Variants in DDX11 observed in about 807,000 individuals in gnomAD.
The protein encoded by DDX11 is DEAD/H-box helicase 11, also known as ATP-dependent DNA helicase DDX11.
DDX11 carries 72 observed loss-of-function variants against 125.2 expected under a neutral mutation model. The observed-to-expected ratio is 0.58, with a 90% confidence interval of 0.48 to 0.70. The LOEUF is 0.70. DDX11 is among the 30% of genes least tolerant of loss of function. The pLI is 0.00. For synonymous variants in DDX11, 347 were observed against 452.6 expected (o/e 0.77, Z 2.96); for missense variants, 883 against 1,165.0 (o/e 0.76, Z 3.52).
At position 31,093,233 on chromosome 12, in the gene DDX11, G is replaced by C. The variant is rs749524514; in HGVS notation, c.1290-12G>C. 5.6e-6 allele frequency: 9 copies of C among 1,610,786 alleles called. No individual in the cohort carries two copies. Among genetic ancestry groups the C allele is most frequent in the African/African-American group, 1.3e-5 (1 of 74,726 alleles). ...GGGCACCACCACTTAATGTCCGTTG[G>C]CTTCTTCTCAGGAAGCGTTTGAAGG... is the stretch of plus-strand genomic sequence containing the variant. On this transcript the variant is annotated splice_polypyrimidine_tract_variant and intron_variant, in intron 11 of 26. Transcript: ENST00000542838.
In DDX11 at chr12:31,102,263, C is replaced by T. The variant is rs151210946; in HGVS notation, c.2223C>T (p.Ser741=). 69 of 1,613,980 alleles carry T rather than the reference C, an allele frequency of 4.3e-5. 2 individuals carry two copies. Among genetic ancestry groups the T allele is most frequent in the African/African-American group, 3.2e-4 (24 of 75,040 alleles). ...ARKKIFQEPK[S]AHQVEQVLLA... ...CTCAGATATTCCAGGAACCTAAGAG[C>T]GCACACCAGGTGGAGCAGGTGCTGC... Residue 741 remains serine, a synonymous_variant, in exon 22 of 27, where the codon AGC becomes AGT. Transcript: ENST00000542838.
intron 1 of DDX11, among the ~76,000 whole-genome samples, chr12:31,077,298 A>T (rs952391565): frequency 3.3e-5 from 5 of 152,000 alleles, no homozygotes; most frequent in African/African-American, 9.7e-5. Context: ...GGAGAGGAGA[A>T]AAAAAAAGAT....
At chr12:31,077,776 G>A (rs1440494624) in intron 1 of DDX11, among the ~76,000 whole-genome samples, 2 of 151,960 alleles carry the variant, frequency 1.3e-5, no homozygotes, top group African/African-American at 4.8e-5. Context: ...CCCGGGAGGC[G>A]GAGCGTGCAG....
chr12:31,092,241 T>A (rs1375997242), intron 10 of DDX11, among the ~76,000 whole-genome samples: 5 of 151,884 alleles, frequency 3.3e-5, no homozygotes, highest in Admixed American at 3.3e-4. Context: ...ATGCTCAAGA[T>A]CAGCGCAGGC....
At chr12:31,079,207 G>T (rs1177222074) in intron 2 of DDX11, among the ~76,000 whole-genome samples, 2 of 151,874 alleles carry the variant, frequency 1.3e-5, no homozygotes, top group African/African-American at 2.4e-5. Context: ...TTAATATTCT[G>T]TTTTTTCTAG....
At chr12:31,092,815 G>A in intron 10 of DDX11, 31 bp from the exon 11 acceptor site, 2 of 1,610,712 alleles carry the variant, frequency 1.2e-6, no homozygotes, top group Non-Finnish European at 1.7e-6. Context: ...TCAGCTGCTT[G>A]CTCAGAGCCT....
intron 21 of DDX11, 111 bp downstream of exon 21, chr12:31,102,093 C>T (rs1164842718): frequency 1.9e-5 from 26 of 1,394,356 alleles, no homozygotes; most frequent in Middle Eastern, 2.4e-4. Context: ...TCATCCCCAC[C>T]GCTCCCAGTC....
At chr12:31,094,430 A>G in intron 12 of DDX11, 160 bp from the exon 13 acceptor site, 2 of 1,328,874 alleles carry the variant, frequency 1.5e-6, no homozygotes, top group South Asian at 1.3e-5. Context: ...CTGCCCTCTC[A>G]GTGGGTCCGT....
chr12:31,102,140 G>A (rs1946497153), intron 21 of DDX11, 103 bp from the exon 22 acceptor site: 2 of 1,321,260 alleles, frequency 1.5e-6, no homozygotes, highest in Admixed American at 1.9e-5. Flanking sequence ...GTCCCTGGCT[G>A]TGAGGTTCTC....
intron 10 of DDX11, 122 bp from the exon 11 acceptor site, chr12:31,092,724 C>A: frequency 9.9e-7 from 1 of 1,014,374 alleles, no homozygotes; most frequent in Non-Finnish European, 1.5e-6. Context: ...GCAGCCAGCC[C>A]CCTCTCCTCC....
intron 22 of DDX11, 58 bp downstream of exon 22, chr12:31,102,369 G>A (rs745800632): frequency 4.4e-6 from 7 of 1,608,798 alleles, no homozygotes; most frequent in African/African-American, 2.7e-5. Context: ...AGCTGGAAAC[G>A]TTGTGGGTGT....
chr12:31,100,815 C>T (rs947452015), intron 19 of DDX11, 108 bp downstream of exon 19: 8 of 1,302,536 alleles, frequency 6.1e-6, no homozygotes, highest in East Asian at 2.5e-5. Context: ...GAGGAGACCC[C>T]GGGGTGGGAG....
At position 31,100,659 on chromosome 12, in the gene DDX11, C is replaced by T; in HGVS notation, c.1900C>T (p.Leu634=). The T allele has an allele frequency of 1.9e-6, 3 of 1,552,960 alleles. No homozygotes were observed. The highest frequency in any genetic ancestry group is 2.6e-6 in the Non-Finnish European group (3 of 1,147,472). Residue 634 remains leucine (L), a synonymous_variant, in exon 19 of 27, where the codon CTG becomes TTG. Coordinates refer to ENST00000542838, the MANE Select transcript of DDX11 (RefSeq NM_030653.4). ...QPVSDFRQQL[L]ACAGVEAERV... ...GGTGTCTGACTTCCGGCAGCAGCTGCTGGCCTGTGCCGGGGTGGAAGCTGA... is the reference window on the plus strand; with the variant it reads ...GGTGTCTGACTTCCGGCAGCAGCTGTTGGCCTGTGCCGGGGTGGAAGCTGA...
intron 5 of DDX11, among the ~76,000 whole-genome samples, chr12:31,087,391 G>A (rs545989209): frequency 2.2e-4 from 34 of 152,236 alleles, no homozygotes; most frequent in African/African-American, 5.8e-4. Flanking sequence ...GAGATAGACC[G>A]AGAGGAAGCG....
intron 18 of DDX11, among the ~76,000 whole-genome samples, chr12:31,098,869 G>A (rs12581793): frequency 0.54 from 81,741 of 151,338 alleles, 23,194 homozygotes; most frequent in East Asian, 0.82. Flanking sequence ...CTCGCCTCCA[G>A]CACAGCAGAA....
At chr12:31,084,394 G>T (rs553339802) in intron 3 of DDX11, among the ~76,000 whole-genome samples, 189 bp from the exon 4 acceptor site, 3 of 152,334 alleles carry the variant, frequency 2.0e-5, no homozygotes, top group Non-Finnish European at 4.4e-5. Flanking sequence ...GCCGCCTTCC[G>T]CAGTGAGCAG....
At chr12:31,080,648 A>T (rs776741619) in intron 2 of DDX11, among the ~76,000 whole-genome samples, 9 of 151,896 alleles carry the variant, frequency 5.9e-5, no homozygotes, top group Non-Finnish European at 1.3e-4. Context: ...CTCCTAAAAC[A>T]TATTACTCCT....
chr12:31,082,229 T>TA (rs1360899580), intron 2 of DDX11, among the ~76,000 whole-genome samples: 2 of 149,916 alleles, frequency 1.3e-5, no homozygotes, highest in Non-Finnish European at 3.0e-5. Flanking sequence ...TTATTATTAT[T>TA]ACTTAATGAT....
At chr12:31,098,610 C>T (rs4931431) in intron 18 of DDX11, among the ~76,000 whole-genome samples, 79,069 of 149,148 alleles carry the variant, frequency 0.53, 21,619 homozygotes, top group East Asian at 0.81. Context: ...TAAATATAAC[C>T]GCATTTCTGC....
Sources: gnomAD v4.1 joint callset for allele counts (sites outside exome capture counted in the v4.1 genomes callset) on GRCh38, gnomAD v4.1.1 for gene constraint, MANE v1.5 for transcripts, NCBI Gene and HGNC (gene_info 2026-07-23, HGNC 2026-07-21) for gene names.